SLC35C1: variants seen among roughly 807,000 people sequenced by gnomAD.
SLC35C1 encodes solute carrier family 35 member C1, also known as GDP-fucose transporter 1.
SLC35C1 carries 8 observed loss-of-function variants against 23.2 expected under a neutral mutation model. The ratio of observed to expected loss-of-function variants is 0.35; its 90% CI spans 0.20 to 0.62. The LOEUF (loss-of-function observed/expected upper bound fraction) is 0.62. Ranked by LOEUF, SLC35C1 falls within the 20% of genes least tolerant of loss-of-function variation. SLC35C1 has a pLI of 0.75. For synonymous variants in SLC35C1, 226 were observed against 225.1 expected, an observed-to-expected ratio of 1.00 and a Z score of -0.04; for missense variants, 422 against 478.6, an observed-to-expected ratio of 0.88 and a Z score of 1.10.
Position 45,805,601 on chromosome 11 carries a change from G to C in SLC35C1, c.-201G>C. 6.8e-7 allele frequency: 1 copy of C among 1,467,548 alleles called. No individual in the cohort carries two copies. Among genetic ancestry groups the C allele is most frequent in the African/African-American group, 1.4e-5 (1 of 71,298 alleles). The allele number at this position is 1,467,548 out of a possible 1,614,324, so 90.9% of individuals were successfully genotyped here. On this transcript the variant is annotated 5_prime_UTR_variant, in exon 1 of 2. Transcript: ENST00000314134. ...GTCTCAGAGCCCCCTCGGGGTGGGA[G>C]TAGGTTGTGGAGCAGCACAACTGGG...
chr11:45,804,995 C>T (rs2134587843), upstream of SLC35C1: 2 of 985,782 alleles, frequency 2.0e-6, no homozygotes, highest in African/African-American at 1.7e-5. Context: ...CCGCCAGCAG[C>T]GGGCAGCGGA....
At position 45,805,409 on chromosome 11, in the gene SLC35C1, C is replaced by T. The variant is rs886048311; in HGVS notation, c.-393C>T. The T allele has an allele frequency of 9.6e-7, 1 of 1,039,646 alleles. No individual in the cohort carries two copies. 64.4% of individuals were successfully genotyped at this position (1,039,646 alleles called of 1,614,324 possible). ...TCCCACTCTGCCACGCGTCCTTTTCCTGCACCTTCGCCCCGCGTACCTACT... is the reference window on the plus strand; with the variant it reads ...TCCCACTCTGCCACGCGTCCTTTTCTTGCACCTTCGCCCCGCGTACCTACT... On this transcript the variant is annotated 5_prime_UTR_variant, in exon 1 of 2. Transcript: ENST00000314134.
At position 45,812,422 on chromosome 11, in the gene SLC35C1, C is replaced by A; in HGVS notation, c.*1087C>A. Reference sequence around the variant, plus strand: ...CTGTTAGTCCAGCGAGCTCCTATATCAAAATGCCGTAGGCCGGGTGGCTTA... The same window carrying A: ...CTGTTAGTCCAGCGAGCTCCTATATAAAAATGCCGTAGGCCGGGTGGCTTA... On this transcript the variant is annotated 3_prime_UTR_variant, in exon 2 of 2. Transcript: ENST00000314134. 2.6e-6 allele frequency: 1 copy of A among 391,988 alleles called. No homozygotes were observed. Among genetic ancestry groups the A allele is most frequent in the Non-Finnish European group, 5.1e-6 (1 of 195,388 alleles). The allele number at this position is 391,988 out of a possible 1,614,324, so 24.3% of individuals were successfully genotyped here. A position where few individuals can be genotyped will look rare whatever the true frequency, so the allele number is the denominator to read the frequency against.
rs2085942265 is a variant in SLC35C1, at chr11:45,811,209, G to C, written c.969G>C (p.Trp323Cys). ...LYYEETKSFL[W>C]WTSNMMVLGG... ...ACGAGGAGACCAAGAGCTTCCTCTG[G>C]TGGACGAGCAACATGATGGTGCTGG... Residue 323 changes from tryptophan to cysteine, a missense_variant, in exon 2 of 2, where the codon TGG becomes TGC. Physicochemically the swap from Trp to Cys is radical, Grantham distance 215. Coordinates refer to ENST00000314134, the MANE Select transcript of SLC35C1 (RefSeq NM_018389.5). The C allele has an allele frequency of 6.2e-7, 1 of 1,609,852 alleles. No homozygotes were observed. Among genetic ancestry groups the C allele is most frequent in the Admixed American group, 1.7e-5 (1 of 59,956 alleles).
In SLC35C1 at chr11:45,805,535, C is replaced by T; in HGVS notation, c.-267C>T. Reference sequence around the variant, plus strand: ...CCTCACAGGTCTTCTCTGTCCTGGCCTCACCGCCTTATCCTATTCCTCTCC... The same window carrying T: ...CCTCACAGGTCTTCTCTGTCCTGGCTTCACCGCCTTATCCTATTCCTCTCC... On this transcript the variant is annotated 5_prime_UTR_variant, in exon 1 of 2. Transcript: ENST00000314134. The T allele has an allele frequency of 8.6e-6, 12 of 1,402,944 alleles. No individual in the cohort carries two copies. The highest frequency in any genetic ancestry group is 1.4e-5 in the African/African-American group (1 of 69,302). The allele number at this position is 1,402,944 out of a possible 1,614,324, so 86.9% of individuals were successfully genotyped here.
Position 45,811,263 on chromosome 11 carries a change from G to A in SLC35C1, c.1023G>A (p.Arg341=), listed in dbSNP as rs748118944. 6.9e-6 allele frequency: 11 copies of A among 1,586,652 alleles called. No homozygotes were observed. The highest frequency in any genetic ancestry group is 6.7e-5 in the South Asian group (6 of 89,478). ...LGGSSAYTWV[R]GWEMKKTPEE... ...GCTCCTCCGCCTACACCTGGGTCAG[G>A]GGCTGGGAGATGAAGAAGACTCCGG... Residue 341 remains arginine (R), a synonymous_variant, in exon 2 of 2, where the codon AGG becomes AGA. Coordinates refer to ENST00000314134, the MANE Select transcript of SLC35C1 (RefSeq NM_018389.5).
chr11:45,808,361 C>T (rs1478762602), intron 1 of SLC35C1, among the ~76,000 whole-genome samples: 3 of 152,020 alleles, frequency 2.0e-5, no homozygotes, highest in East Asian at 1.9e-4. Context: ...ATTAGCCGGG[C>T]GTGGTGGCAT....
In SLC35C1 at chr11:45,805,362, A is replaced by ATGAC; in HGVS notation, c.-439_-436dup. ...CCGCCCCTCCCTCCCACAGCCGCCC[A>ATGAC]TGACGCCCTCTCGGCACCTCTTCCC... On this transcript the variant is annotated 5_prime_UTR_variant, in exon 1 of 2. The change creates a premature stop within an existing upstream ORF in the 5' untranslated region. Coordinates refer to ENST00000314134, the MANE Select transcript of SLC35C1 (RefSeq NM_018389.5). 4.6e-6 allele frequency: 1 copy of ATGAC among 217,354 alleles called. No individual in the cohort carries two copies. Among genetic ancestry groups the ATGAC allele is most frequent in the Non-Finnish European group, 5.3e-6 (1 of 190,140 alleles). 13.5% of individuals were successfully genotyped at this position (217,354 alleles called of 1,614,324 possible).
Position 45,805,193 on chromosome 11 carries a change from G to A in SLC35C1, c.-609G>A. 1 of 991,010 alleles carries A rather than the reference G, an allele frequency of 1.0e-6. No individual in the cohort carries two copies. Among genetic ancestry groups the A allele is most frequent in the Non-Finnish European group, 1.2e-6 (1 of 832,930 alleles). The allele number at this position is 991,010 out of a possible 1,614,324, so 61.4% of individuals were successfully genotyped here. A position where few individuals can be genotyped will look rare whatever the true frequency, so the allele number is the denominator to read the frequency against. On this transcript the variant is annotated 5_prime_UTR_variant, in exon 1 of 2. Transcript: ENST00000314134. ...CTGGGCTGAGCCGGCGACAGAGCCC[G>A]GGAAGGCAGCGAGACGTGGGCGCCG...
intron 1 of SLC35C1, among the ~76,000 whole-genome samples, chr11:45,809,575 G>A (rs1412331058): frequency 2.0e-5 from 3 of 152,184 alleles, no homozygotes; most frequent in East Asian, 1.9e-4. Context: ...AGCCTGGACC[G>A]ATCTGGACTT....
chr11:45,808,600 A>G (rs1242821322), intron 1 of SLC35C1, among the ~76,000 whole-genome samples: 1 of 152,234 alleles, frequency 6.6e-6, no homozygotes, highest in Non-Finnish European at 1.5e-5. Flanking sequence ...GGGGTGCTGT[A>G]GCCAAGCAGG....
chr11:45,812,414 T>A lies in SLC35C1; in HGVS notation c.*1079T>A, dbSNP rs924346814. The A allele has an allele frequency of 7.8e-6, 3 of 384,008 alleles. No homozygotes were observed. Among genetic ancestry groups the A allele is most frequent in the Non-Finnish European group, 1.6e-5 (3 of 191,760 alleles). The allele number at this position is 384,008 out of a possible 1,614,324, so 23.8% of individuals were successfully genotyped here. On this transcript the variant is annotated 3_prime_UTR_variant, in exon 2 of 2. Transcript: ENST00000314134. Reference sequence around the variant, plus strand: ...TGGCCCCACTGTTAGTCCAGCGAGCTCCTATATCAAAATGCCGTAGGCCGG... The same window carrying A: ...TGGCCCCACTGTTAGTCCAGCGAGCACCTATATCAAAATGCCGTAGGCCGG...
intron 1 of SLC35C1, among the ~76,000 whole-genome samples, chr11:45,808,529 G>A (rs920734754): frequency 3.3e-5 from 5 of 152,114 alleles, no homozygotes; most frequent in African/African-American, 4.8e-5. Flanking sequence ...GGCAAGAGTC[G>A]CTCTAGAACA....
At position 45,805,566 on chromosome 11, in the gene SLC35C1, C is replaced by T; in HGVS notation, c.-236C>T. The T allele has an allele frequency of 1.4e-6, 2 of 1,445,254 alleles. No homozygotes were observed. The highest frequency in any genetic ancestry group is 1.4e-5 in the South Asian group (1 of 71,250). 89.5% of individuals were successfully genotyped at this position (1,445,254 alleles called of 1,614,324 possible). A position where few individuals can be genotyped will look rare whatever the true frequency, so the allele number is the denominator to read the frequency against. ...GCCTTATCCTATTCCTCTCCCTTGC[C>T]CTGTGTCTTGTCTCAGAGCCCCCTC... On this transcript the variant is annotated 5_prime_UTR_variant, in exon 1 of 2. Coordinates refer to ENST00000314134, the MANE Select transcript of SLC35C1 (RefSeq NM_018389.5).
In SLC35C1 at chr11:45,812,493, C is replaced by T. The variant is rs4756027; in HGVS notation, c.*1158C>T. On this transcript the variant is annotated 3_prime_UTR_variant, in exon 2 of 2. Transcript: ENST00000314134. ...CTCACAGTCCTGGGGGGCTGGGACGCCCAAGATCAAGAGGCCAGCAGATTC... is the reference window on the plus strand; with the variant it reads ...CTCACAGTCCTGGGGGGCTGGGACGTCCAAGATCAAGAGGCCAGCAGATTC... 0.84 allele frequency: 380,519 copies of T among 454,790 alleles called. 161,763 individuals carry two copies. The highest frequency in any genetic ancestry group is 0.89 in the Non-Finnish European group (201,655 of 226,076). 28.2% of individuals were successfully genotyped at this position (454,790 alleles called of 1,614,324 possible). A position where few individuals can be genotyped will look rare whatever the true frequency, so the allele number is the denominator to read the frequency against.
In SLC35C1 at chr11:45,811,425, AG is replaced by A; in HGVS notation, c.*91del. ...TGAAGGCGGTCTCCTGGACCCCAGAAGCGTGCTGTGGTGTGGACTGGGTGCT... is the reference window on the plus strand; with the variant it reads ...TGAAGGCGGTCTCCTGGACCCCAGAACGTGCTGTGGTGTGGACTGGGTGCT... On this transcript the variant is annotated 3_prime_UTR_variant, in exon 2 of 2. Transcript: ENST00000314134. 8.7e-7 allele frequency: 1 copy of A among 1,149,726 alleles called. No individual in the cohort carries two copies. Among genetic ancestry groups the A allele is most frequent in the Non-Finnish European group, 1.2e-6 (1 of 840,354 alleles). The allele number at this position is 1,149,726 out of a possible 1,614,324, so 71.2% of individuals were successfully genotyped here.
Position 45,805,259 on chromosome 11 carries a change from C to A in SLC35C1, c.-543C>A. On this transcript the variant is annotated 5_prime_UTR_variant, in exon 1 of 2. Transcript: ENST00000314134. ...GCGTCCTTCAGCCCCAAGCCCCGAG[C>A]CCCTCTGACCCTTCCGCAGCCCTCC... is the stretch of plus-strand genomic sequence containing the variant. The A allele has an allele frequency of 1.0e-6, 1 of 1,000,240 alleles. No homozygotes were observed. Among genetic ancestry groups the A allele is most frequent in the Non-Finnish European group, 1.2e-6 (1 of 837,772 alleles). The allele number at this position is 1,000,240 out of a possible 1,614,324, so 62.0% of individuals were successfully genotyped here.
chr11:45,806,852 GCT>G (rs1306639658), intron 1 of SLC35C1: 6 of 980,406 alleles, frequency 6.1e-6, no homozygotes, highest in African/African-American at 1.8e-5. Context: ...CCCAGCCAGT[GCT>G]CTTAGTAGAG....
chr11:45,811,246 G>C lies in SLC35C1; in HGVS notation c.1006G>C (p.Ala336Pro). ...SNMMVLGGSS[A>P]YTWVRGWEMK... Reference sequence around the variant, plus strand: ...CATGATGGTGCTGGGCGGCTCCTCCGCCTACACCTGGGTCAGGGGCTGGGA... The same window carrying C: ...CATGATGGTGCTGGGCGGCTCCTCCCCCTACACCTGGGTCAGGGGCTGGGA... Residue 336 changes from alanine to proline, a missense_variant, in exon 2 of 2, where the codon GCC (alanine) becomes CCC (proline). Transcript: ENST00000314134. 1 of 1,598,802 alleles carries C rather than the reference G, an allele frequency of 6.3e-7. No homozygotes were observed. The highest frequency in any genetic ancestry group is 8.5e-7 in the Non-Finnish European group (1 of 1,171,290).
Sources: gnomAD v4.1 joint callset for allele counts (sites outside exome capture counted in the v4.1 genomes callset) on GRCh38, gnomAD v4.1.1 for gene constraint, MANE v1.5 for transcripts, NCBI Gene and HGNC (gene_info 2026-07-23, HGNC 2026-07-21) for gene names.